The following FAM161B variants were observed in gnomAD, a reference collection of about 807,000 sequenced individuals.
The protein encoded by FAM161B is FAM161 centrosomal protein B.
Under a neutral mutation model 61.5 loss-of-function variants are expected in FAM161B, and 46 were observed. The ratio of observed to expected loss-of-function variants is 0.75; its 90% CI spans 0.59 to 0.96. FAM161B has a LOEUF of 0.96. Among genes scored for constraint, FAM161B ranks in the 40% least tolerant of loss-of-function variants. The pLI, the probability that FAM161B is intolerant of heterozygous loss-of-function variation, is 0.00. For missense variants in FAM161B, 774 were observed against 800.7 expected, an observed-to-expected ratio of 0.97 and a Z score of 0.40; for synonymous variants, 284 against 302.7, an observed-to-expected ratio of 0.94 and a Z score of 0.64.
At chr14:73,931,859 G>A, downstream of FAM161B, 2 of 445,634 alleles carry the variant, frequency 4.5e-6, no homozygotes, top group Non-Finnish European at 8.9e-6. Flanking sequence ...CATTCTGACT[G>A]TTGAGGGGAG....
At chr14:73,936,173 T>TGATTAA in intron 7 of FAM161B, 85 bp from the exon 8 acceptor site, 1 of 1,402,032 alleles carries the variant, frequency 7.1e-7, no homozygotes, top group Non-Finnish European at 9.5e-7. Context: ...GTTACAATAC[T>TGATTAA]GCCACAACCA....
At chr14:73,940,779 A>C in intron 5 of FAM161B, 147 bp downstream of exon 5, 5 of 1,114,104 alleles carry the variant, frequency 4.5e-6, no homozygotes, top group Non-Finnish European at 6.2e-6. Flanking sequence ...GGTGTGGAGA[A>C]CCGCAATTGT....
intron 3 of FAM161B, among the ~76,000 whole-genome samples, chr14:73,943,882 A>T (rs1468582786): frequency 6.6e-6 from 1 of 152,180 alleles, no homozygotes; most frequent in African/African-American, 2.4e-5. Context: ...TGAGCCCCTT[A>T]TTTGGAGCTA....
At chr14:73,935,904 T>C in intron 8 of FAM161B, 45 bp downstream of exon 8, 1 of 1,580,524 alleles carries the variant, frequency 6.3e-7, no homozygotes, top group Admixed American at 1.7e-5. Context: ...TTACTGGGTA[T>C]GACAATTTAG....
Position 73,950,084 on chromosome 14 carries a change from G to A in FAM161B, c.-58C>T, listed in dbSNP as rs377510502. On this transcript the variant is annotated 5_prime_UTR_variant, in exon 1 of 9. Coordinates refer to ENST00000286544, the MANE Select transcript of FAM161B (RefSeq NM_152445.3). ...AGCGATAGTGGCAGCAGCGGTGGCA[G>A]CGAGAGCTATGCGGGGCCAGGGTCC... is the stretch of plus-strand genomic sequence containing the variant. The A allele has an allele frequency of 3.7e-6, 6 of 1,606,124 alleles. No homozygotes were observed. In the African/African-American group the frequency reaches 5.3e-5, roughly 14 times the overall value.
chr14:73,948,536 G>A (rs1259999740), intron 1 of FAM161B, among the ~76,000 whole-genome samples: 1 of 152,158 alleles, frequency 6.6e-6, no homozygotes, highest in Non-Finnish European at 1.5e-5. Flanking sequence ...CCTAGCCCTG[G>A]CTCTGCTACA....
chr14:73,924,832 A>G, the FAM161B span: 1 of 333,076 alleles, frequency 3.0e-6, no homozygotes. Context: ...GCGTGCCACC[A>G]CGCCCAGCTA....
rs1254374862 is a variant in FAM161B at position 73,946,421 on chromosome 14, C to CA, written c.238dup (p.Trp80LeufsTer11). ...CTGAAAGAGAGACTCCAACAGACAC[C>CA]ATCTCCCTTTCTGCTTCAGTTCCTG... is the stretch of plus-strand genomic sequence containing the variant. On this transcript the variant is annotated frameshift_variant, in exon 2 of 9. Coordinates refer to ENST00000286544, the MANE Select transcript of FAM161B (RefSeq NM_152445.3). LOFTEE classifies it high-confidence loss of function. 6.2e-7 allele frequency: 1 copy of CA among 1,614,028 alleles called. No individual in the cohort carries two copies. The highest frequency in any genetic ancestry group is 1.3e-5 in the African/African-American group (1 of 74,904).
intron 5 of FAM161B, among the ~76,000 whole-genome samples, chr14:73,938,664 C>T (rs187647499): frequency 2.3e-4 from 35 of 151,400 alleles, no homozygotes; most frequent in African/African-American, 8.5e-4. Flanking sequence ...CCCAGCTACT[C>T]GGGAGGCTGA....
chr14:73,928,910 CT>C (rs1255448388), downstream of FAM161B, among the ~76,000 whole-genome samples: 4 of 152,148 alleles, frequency 2.6e-5, no homozygotes, highest in Non-Finnish European at 4.4e-5. Context: ...GATTGTCCCA[CT>C]GCACTCCAGC....
At chr14:73,937,042 C>T (rs2055975489) in intron 7 of FAM161B, among the ~76,000 whole-genome samples, 1 of 151,196 alleles carries the variant, frequency 6.6e-6, no homozygotes, top group South Asian at 2.2e-4. Flanking sequence ...TAGCCCTGCT[C>T]CATAAGGAAC....
chr14:73,938,256 C>A, intron 5 of FAM161B, 144 bp from the exon 6 acceptor site: 2 of 816,782 alleles, frequency 2.4e-6, no homozygotes, highest in Non-Finnish European at 3.8e-6. Flanking sequence ...GTCAGGAGTC[C>A]AAGACCAGCC....
At chr14:73,937,477 G>T in intron 7 of FAM161B, 125 bp downstream of exon 7, 1 of 769,660 alleles carries the variant, frequency 1.3e-6, no homozygotes, top group Non-Finnish European at 2.2e-6. Context: ...AAAGAAGGTA[G>T]TAGTGAAATT....
Position 73,946,555 on chromosome 14 carries a change from G to A in FAM161B, c.105C>T (p.Ser35=), listed in dbSNP as rs151173835. 146 of 1,614,004 alleles carry A rather than the reference G, an allele frequency of 9.0e-5. No homozygotes were observed. Among genetic ancestry groups the A allele is most frequent in the Admixed American group, 9.0e-4 (54 of 59,990 alleles). The part of the protein sequence containing the change: ...FADTEAGEEL[S]GDGLVLPRAS... ...CCCTGGGCAAAACCAGCCCATCCCCGGACAGCTCCTCTCCTGCCTCTGTGT... is the reference window on the plus strand; with the variant it reads ...CCCTGGGCAAAACCAGCCCATCCCCAGACAGCTCCTCTCCTGCCTCTGTGT... The change falls in exon 2 of 9, where the codon TCC becomes TCT. Residue 35 remains serine (S), a synonymous_variant. Transcript: ENST00000286544.
downstream of FAM161B, chr14:73,927,860 C>T (rs994668827): frequency 4.9e-5 from 7 of 141,962 alleles, no homozygotes; most frequent in Admixed American, 7.3e-5. Context: ...ATTTTTTAGA[C>T]GGAGTCTCAC....
chr14:73,944,978 T>C, intron 2 of FAM161B, 93 bp from the exon 3 acceptor site: 1 of 1,120,866 alleles, frequency 8.9e-7, no homozygotes, highest in Non-Finnish European at 1.2e-6. Flanking sequence ...TTCCCACTGG[T>C]CACAGCTGGC....
rs770774055 is a variant in FAM161B at position 73,937,652 on chromosome 14, T to C, written c.1615A>G (p.Met539Val). 4 of 1,614,198 alleles carry C rather than the reference T, an allele frequency of 2.5e-6. No homozygotes were observed. In the Admixed American group the frequency reaches 6.7e-5, roughly 27 times the overall value. Residue 539 changes from methionine to valine, a missense_variant, in exon 7 of 9, where the codon ATG becomes GTG. By Grantham distance (21) the Met-to-Val change is conservative (BLOSUM62 1). Coordinates refer to ENST00000286544, the MANE Select transcript of FAM161B (RefSeq NM_152445.3). Reference protein sequence around the residue: ...AKEYKKELEEMKQRIQTRPYL... With the variant: ...AKEYKKELEEVKQRIQTRPYL... ...GGCCTTGTTTGTATTCGCTGCTTCA[T>C]TTCCTCCAGTTCTTTCTTATATTCT...
rs1055819375 is a variant in FAM161B at position 73,934,259 on chromosome 14, A to G, written c.1941T>C (p.Ala647=). 7.5e-6 allele frequency: 12 copies of G among 1,609,636 alleles called. No individual in the cohort carries two copies. Among genetic ancestry groups the G allele is most frequent in the Non-Finnish European group, 1.0e-5 (12 of 1,178,902 alleles). ...GCAGTAATTTTAAGTGTAGTGATTAAGCAAGTGATACGAGATTTTCTGGTG... is the reference window on the plus strand; with the variant it reads ...GCAGTAATTTTAAGTGTAGTGATTAGGCAAGTGATACGAGATTTTCTGGTG... ...HQSPENLVSL[A] Residue 647 remains alanine (A), a synonymous_variant, in exon 9 of 9, where the codon GCT becomes GCC. Transcript: ENST00000286544.
intron 1 of FAM161B, among the ~76,000 whole-genome samples, chr14:73,948,310 T>C (rs1166154067): frequency 6.6e-6 from 1 of 152,224 alleles, no homozygotes; most frequent in Non-Finnish European, 1.5e-5. Flanking sequence ...GAAGGGGTGT[T>C]AGTAATTTTG....
Sources: gnomAD v4.1 joint callset for allele counts (sites outside exome capture counted in the v4.1 genomes callset) on GRCh38, gnomAD v4.1.1 for gene constraint, MANE v1.5 for transcripts, NCBI Gene and HGNC (gene_info 2026-07-23, HGNC 2026-07-21) for gene names.